Variants in MFHAS1 observed in about 807,000 individuals in gnomAD.
MFHAS1 encodes the protein malignant fibrous histiocytoma-amplified sequence 1.
In MFHAS1, 50 loss-of-function variants were observed where a neutral mutation model predicts 70.4. That is an observed-to-expected ratio of 0.71 (90% CI 0.57 to 0.90). The LOEUF is 0.90. Among genes scored for constraint, MFHAS1 ranks in the 40% least tolerant of loss-of-function variants. The pLI is 0.00. For missense variants in MFHAS1, 1,795 were observed against 1,347.6 expected (o/e 1.33, Z -5.20); for synonymous variants, 952 against 620.0 (o/e 1.54, Z -7.96).
rs568358014 is a variant in MFHAS1, at chr8:8,855,962, T to A, written c.2998+34099A>T. Among the ~76,000 whole-genome samples the A allele has an allele frequency of 1.1e-3, 169 of 152,330 alleles. 1 individual carries two copies. The highest frequency in any genetic ancestry group is 1.2e-4 in the Non-Finnish European group (8 of 68,026). ...GTTATAAAACACTGGCCATAACAGA[T>A]TCAGAAACACAGATGAGAAAAGATG... On this transcript the variant is annotated intron_variant, in intron 1 of 2. Coordinates refer to ENST00000276282, the MANE Select transcript of MFHAS1 (RefSeq NM_004225.3).
intron 1 of MFHAS1, among the ~76,000 whole-genome samples, chr8:8,808,731 G>C (rs1371630680): frequency 6.6e-6 from 1 of 152,186 alleles, no homozygotes; most frequent in Non-Finnish European, 1.5e-5. Flanking sequence ...CATTACATTT[G>C]TGGGCAAAAG....
Position 8,890,604 on chromosome 8 carries a change from G to A in MFHAS1, c.2455C>T (p.Leu819=), listed in dbSNP as rs776464460. The A allele has an allele frequency of 5.0e-6, 8 of 1,613,906 alleles. No individual in the cohort carries two copies. In the East Asian group the frequency reaches 1.3e-4, roughly 27 times the overall value. ...PHVQAQQDLQ[L]LLELLEKMGL... The stretch of plus-strand genomic sequence containing the variant: ...ATCTTCTCCAGCAGCTCCAGCAACA[G>A]CTGCAAGTCCTGCTGGGCCTGGACA... The change falls in exon 1 of 3, where the codon CTG becomes TTG. Residue 819 remains leucine, a synonymous_variant. Coordinates refer to ENST00000276282, the MANE Select transcript of MFHAS1 (RefSeq NM_004225.3).
At position 8,891,198 on chromosome 8, in the gene MFHAS1, G is replaced by A. The variant is rs770029293; in HGVS notation, c.1861C>T (p.Leu621Phe). ...QYLLNHRLQILSPVLPVSCRD... is the reference protein window; with the variant it reads ...QYLLNHRLQIFSPVLPVSCRD... ...CAGCTAACAGGCAACACGGGGGAGA[G>A]GATCTGCAGCCGGTGGTTGAGCAGG... is the stretch of plus-strand genomic sequence containing the variant. The change falls in exon 1 of 3, where the codon CTC becomes TTC. Residue 621 changes from leucine (L) to phenylalanine (F), a missense_variant. Coordinates refer to ENST00000276282, the MANE Select transcript of MFHAS1 (RefSeq NM_004225.3). The surrounding 1 kb of genome is among the most constrained non-coding windows in gnomAD (Gnocchi z 5.4). 3 of 1,612,854 alleles carry A rather than the reference G, an allele frequency of 1.9e-6. No individual in the cohort carries two copies. Among genetic ancestry groups the A allele is most frequent in the Non-Finnish European group, 2.5e-6 (3 of 1,180,034 alleles).
chr8:8,844,211 A>G (rs1585047596), intron 1 of MFHAS1, among the ~76,000 whole-genome samples: 1 of 152,154 alleles, frequency 6.6e-6, no homozygotes, highest in African/African-American at 2.4e-5. Context: ...AAATCAACCA[A>G]CGTTGTCTCC....
At chr8:8,823,223 T>C (rs1255054360) in intron 1 of MFHAS1, among the ~76,000 whole-genome samples, 1 of 152,224 alleles carries the variant, frequency 6.6e-6, no homozygotes, top group Non-Finnish European at 1.5e-5. Flanking sequence ...TAACTGTAAA[T>C]GTTTATTTGC....
chr8:8,798,673 T>G lies in MFHAS1; in HGVS notation c.2999-1182A>C, dbSNP rs1452067136. 2.6e-5 allele frequency among the ~76,000 whole-genome samples: 4 copies of G among 152,030 alleles called. No homozygotes were observed. In the East Asian group the frequency reaches 7.7e-4, roughly 29 times the overall value. ...AATTAACCAAATCAAGGATGTGAAA[T>G]GTACACCAACTGGGGAAAGACACTA... On this transcript the variant is annotated intron_variant, in intron 1 of 2. Coordinates refer to ENST00000276282, the MANE Select transcript of MFHAS1 (RefSeq NM_004225.3).
At chr8:8,873,300 C>T (rs1936224024) in intron 1 of MFHAS1, among the ~76,000 whole-genome samples, 1 of 152,076 alleles carries the variant, frequency 6.6e-6, no homozygotes, top group Non-Finnish European at 1.5e-5. Context: ...ATACTGTCTG[C>T]ATTGACTTGG....
intron 1 of MFHAS1, among the ~76,000 whole-genome samples, chr8:8,872,955 G>C (rs749065754): frequency 1.3e-5 from 2 of 152,154 alleles, no homozygotes; most frequent in African/African-American, 2.4e-5. Context: ...GAGTGAGACG[G>C]AGACAACCGG....
In MFHAS1 at chr8:8,830,144, T is replaced by G. The variant is rs114458197; in HGVS notation, c.2999-32653A>C. ...TGGGATCTGTCCCAGGACACATATA[T>G]GAGGTGGCCCCACACCTCTGGCGTG... On this transcript the variant is annotated intron_variant, in intron 1 of 2. Transcript: ENST00000276282. 9.2e-3 allele frequency among the ~76,000 whole-genome samples: 1,403 copies of G among 152,166 alleles called. 22 individuals carry two copies. The highest frequency in any genetic ancestry group is 0.032 in the African/African-American group (1,339 of 41,512).
At chr8:8,832,681 T>C (rs1267688501) in intron 1 of MFHAS1, among the ~76,000 whole-genome samples, 1 of 140,682 alleles carries the variant, frequency 7.1e-6, no homozygotes, top group Non-Finnish European at 1.5e-5. Context: ...CAGGCTGGAG[T>C]GTGGTGGCTC....
chr8:8,792,569 G>A (rs1282055410), intron 2 of MFHAS1, among the ~76,000 whole-genome samples: 1 of 152,190 alleles, frequency 6.6e-6, no homozygotes, highest in Non-Finnish European at 1.5e-5. Flanking sequence ...TCACGCCACT[G>A]CACTCCAGCC....
chr8:8,816,370 C>G (rs950132199), intron 1 of MFHAS1, among the ~76,000 whole-genome samples: 2 of 152,026 alleles, frequency 1.3e-5, no homozygotes, highest in African/African-American at 2.4e-5. Context: ...AAACTATCAC[C>G]AAGAAATATC....
intron 1 of MFHAS1, among the ~76,000 whole-genome samples, chr8:8,874,357 C>A (rs927452809): frequency 1.3e-5 from 2 of 148,642 alleles, no homozygotes; most frequent in Non-Finnish European, 2.9e-5. Flanking sequence ...CACACACACA[C>A]ACACACACAC....
rs192903385 is a variant in MFHAS1 at position 8,865,241 on chromosome 8, C to G, written c.2998+24820G>C. On this transcript the variant is annotated intron_variant, in intron 1 of 2. Coordinates refer to ENST00000276282, the MANE Select transcript of MFHAS1 (RefSeq NM_004225.3). ...GCAGTAAGCCAAGATTGTGCCACTG[C>G]ACTCAACCCTGGATGACAGAGTGAG... is the stretch of plus-strand genomic sequence containing the variant. Among the ~76,000 whole-genome samples the G allele has an allele frequency of 3.2e-3, 419 of 130,746 alleles. 4 individuals are homozygous for G. Among genetic ancestry groups the G allele is most frequent in the Middle Eastern group, 0.012 (2 of 172 alleles). The allele number at this position is 130,746 out of a possible 152,430, so 85.8% of individuals were successfully genotyped here.
chr8:8,794,974 T>C (rs1446405667), intron 2 of MFHAS1, among the ~76,000 whole-genome samples: 1 of 152,206 alleles, frequency 6.6e-6, no homozygotes, highest in African/African-American at 2.4e-5. Flanking sequence ...GGGAAAACAC[T>C]GATAAAGCTG....
intron 1 of MFHAS1, among the ~76,000 whole-genome samples, chr8:8,887,418 A>G (rs7008835): frequency 0.18 from 27,687 of 151,878 alleles, 3,268 homozygotes; most frequent in African/African-American, 0.33. Flanking sequence ...TTCTTAATGT[A>G]ACGAGAAATG....
chr8:8,811,296 G>A (rs1269684392), intron 1 of MFHAS1, among the ~76,000 whole-genome samples: 1 of 149,946 alleles, frequency 6.7e-6, no homozygotes, highest in East Asian at 1.9e-4. Flanking sequence ...AATTATAATT[G>A]CAAACCAGAA....
chr8:8,862,049 A>G (rs746603695), intron 1 of MFHAS1, among the ~76,000 whole-genome samples: 10 of 152,264 alleles, frequency 6.6e-5, no homozygotes, highest in Non-Finnish European at 1.2e-4. Flanking sequence ...GAATTAACTC[A>G]GAATGAAATT....
intron 1 of MFHAS1, among the ~76,000 whole-genome samples, chr8:8,814,571 T>C (rs1437900525): frequency 6.6e-6 from 1 of 152,148 alleles, no homozygotes; most frequent in Non-Finnish European, 1.5e-5. Context: ...AAAGTTAAGC[T>C]CTTCCAAAAA....
Sources: gnomAD v4.1 joint callset for allele counts (sites outside exome capture counted in the v4.1 genomes callset) on GRCh38, gnomAD v4.1.1 for gene constraint, Gnocchi (gnomAD v3.1) non-coding constraint, MANE v1.5 for transcripts, NCBI Gene and HGNC (gene_info 2026-07-23, HGNC 2026-07-21) for gene names.